Variants in ZYG11A observed in about 807,000 individuals in gnomAD.
ZYG11A encodes protein zyg-11 homolog A.
In ZYG11A, 62 loss-of-function variants were observed where a neutral mutation model predicts 77.2. The observed-to-expected ratio is 0.80, with a 90% CI of 0.65 to 0.99. The LOEUF is 0.99. Ranked by LOEUF, ZYG11A falls within the 50% of genes least tolerant of loss-of-function variation. The probability of loss-of-function intolerance (pLI) is 0.00; values close to 1 mark genes in which losing one functional copy is unlikely to be tolerated. For synonymous variants in ZYG11A, 315 were observed against 324.6 expected (o/e 0.97, Z 0.32); for missense variants, 828 against 896.8 (o/e 0.92, Z 0.98).
chr1:52,867,969 T>C (rs1238781665), intron 8 of ZYG11A, among the ~76,000 whole-genome samples, 192 bp downstream of exon 8: 3 of 139,164 alleles, frequency 2.2e-5, no homozygotes, highest in Non-Finnish European at 3.1e-5. Flanking sequence ...TTTTTTTTTT[T>C]TTTTTTTTTT....
chr1:52,854,029 G>A (rs1328320750), intron 1 of ZYG11A, among the ~76,000 whole-genome samples: 3 of 152,184 alleles, frequency 2.0e-5, no homozygotes, highest in Admixed American at 1.3e-4. Flanking sequence ...ACCTGCATCT[G>A]TATTGAACAT....
chr1:52,875,501 A>C (rs1483638630), intron 8 of ZYG11A, among the ~76,000 whole-genome samples: 1 of 152,250 alleles, frequency 6.6e-6, no homozygotes, highest in Non-Finnish European at 1.5e-5. Flanking sequence ...GCAGAAATTG[A>C]GTTTAGAGTA....
intron 13 of ZYG11A, among the ~76,000 whole-genome samples, 180 bp downstream of exon 13, chr1:52,887,233 T>G (rs975546578): frequency 7.9e-5 from 12 of 152,194 alleles, no homozygotes; most frequent in African/African-American, 2.7e-4. Context: ...ATTAGTAATC[T>G]ATTTGGGGGT....
chr1:52,855,612 C>A (rs1478243408), intron 2 of ZYG11A, among the ~76,000 whole-genome samples: 1 of 152,240 alleles, frequency 6.6e-6, no homozygotes, highest in Non-Finnish European at 1.5e-5. Context: ...TACTTTCCAT[C>A]TCTATGTATG....
intron 1 of ZYG11A, among the ~76,000 whole-genome samples, chr1:52,846,635 G>A (rs376596632): frequency 9.9e-5 from 15 of 151,676 alleles, no homozygotes; most frequent in East Asian, 7.8e-4. Context: ...CATCGCGCCC[G>A]GCCAATTATG....
chr1:52,864,811 ATT>A (rs555254016), intron 5 of ZYG11A, among the ~76,000 whole-genome samples: 4 of 137,938 alleles, frequency 2.9e-5, no homozygotes, highest in East Asian at 2.1e-4. Context: ...TGCCTGGCTA[ATT>A]TTTTTTTTTT....
At chr1:52,883,941 A>G (rs928078657) in intron 11 of ZYG11A, among the ~76,000 whole-genome samples, 4 of 145,000 alleles carry the variant, frequency 2.8e-5, no homozygotes, top group African/African-American at 1.1e-4. Flanking sequence ...GTGCAATGGC[A>G]TGATCATAGC....
chr1:52,867,835 A>AG (rs1646055120), intron 8 of ZYG11A, 58 bp downstream of exon 8: 40 of 1,393,798 alleles, frequency 2.9e-5, no homozygotes, highest in Non-Finnish European at 3.8e-5. Context: ...TTATGATTAT[A>AG]GCTTAAAAAA....
intron 3 of ZYG11A, among the ~76,000 whole-genome samples, chr1:52,859,770 C>A (rs1024351697): frequency 1.4e-5 from 2 of 145,690 alleles, no homozygotes; most frequent in Non-Finnish European, 3.0e-5. Context: ...CTCTGCCTCC[C>A]GGGTTCAAGT....
chr1:52,855,063 C>G (rs475832), intron 2 of ZYG11A, among the ~76,000 whole-genome samples: 73,731 of 151,554 alleles, frequency 0.49, 19,156 homozygotes, highest in Non-Finnish European at 0.59. Context: ...GGTTTCACCA[C>G]TTTGGTCAGG....
chr1:52,855,469 C>T (rs1473706869), intron 2 of ZYG11A, among the ~76,000 whole-genome samples: 1 of 151,932 alleles, frequency 6.6e-6, no homozygotes, highest in Admixed American at 6.6e-5. Context: ...GGATTACAGG[C>T]GTGAGGCACC....
At chr1:52,883,502 A>G (rs1333825714) in intron 11 of ZYG11A, among the ~76,000 whole-genome samples, 1 of 151,032 alleles carries the variant, frequency 6.6e-6, no homozygotes, top group Non-Finnish European at 1.5e-5. Flanking sequence ...ATCTCAGCTC[A>G]TTGCATCCTC....
chr1:52,894,693 C>T lies in ZYG11A; in HGVS notation c.*1736C>T, dbSNP rs558358399. Reference sequence around the variant, plus strand: ...TCATTCTCTTACTCTAAACCATGTTCCAAACTATTACCAGAGTCCAACCAG... The same window carrying T: ...TCATTCTCTTACTCTAAACCATGTTTCAAACTATTACCAGAGTCCAACCAG... On this transcript the variant is annotated 3_prime_UTR_variant, in exon 14 of 14. Transcript: ENST00000371528. 3.3e-5 allele frequency: 5 copies of T among 152,334 alleles called. No individual in the cohort carries two copies. In the East Asian group the frequency reaches 9.6e-4, roughly 29 times the overall value. 9.4% of individuals were successfully genotyped at this position (152,334 alleles called of 1,614,324 possible).
chr1:52,877,765 T>C lies in ZYG11A; in HGVS notation c.1626T>C (p.Asn542=). ...TGTTTACTTTGAAAGCACTTTGGAA[T>C]CTTACAGATGGGTCTCCAGCTGCCT... The part of the protein sequence containing the change: ...TFLFTLKALW[N]LTDGSPAACK... The change falls in exon 9 of 14, where the codon AAT becomes AAC. Residue 542 remains asparagine (N), a synonymous_variant. Coordinates refer to ENST00000371528, the MANE Select transcript of ZYG11A (RefSeq NM_001004339.3). 1 of 1,552,044 alleles carries C rather than the reference T, an allele frequency of 6.4e-7. No individual in the cohort carries two copies. The highest frequency in any genetic ancestry group is 8.7e-7 in the Non-Finnish European group (1 of 1,147,060).
At position 52,885,710 on chromosome 1, in the gene ZYG11A, G is replaced by A. The variant is rs538630408; in HGVS notation, c.1945-123G>A. Reference sequence around the variant, plus strand: ...GATATTGTGTGTATATAATCGTTATGTGATTGATATTTTGCCAAGTAGATG... The same window carrying A: ...GATATTGTGTGTATATAATCGTTATATGATTGATATTTTGCCAAGTAGATG... On this transcript the variant is annotated intron_variant, in intron 11 of 13. Coordinates refer to ENST00000371528, the MANE Select transcript of ZYG11A (RefSeq NM_001004339.3). The A allele has an allele frequency of 2.7e-5, 18 of 667,356 alleles. No homozygotes were observed. The East Asian group carries it at 5.0e-4, about 18-fold the overall frequency. 41.3% of individuals were successfully genotyped at this position (667,356 alleles called of 1,614,324 possible).
chr1:52,890,055 T>TG (rs1646516167), intron 13 of ZYG11A, among the ~76,000 whole-genome samples: 1 of 138,612 alleles, frequency 7.2e-6, no homozygotes, highest in African/African-American at 2.7e-5. Context: ...CACTGCTTGT[T>TG]TTTTTTTTTT....
intron 13 of ZYG11A, among the ~76,000 whole-genome samples, chr1:52,890,064 T>TC (rs1453638281): frequency 2.0e-5 from 3 of 148,604 alleles, no homozygotes; most frequent in Non-Finnish European, 4.5e-5. Flanking sequence ...TTTTTTTTTT[T>TC]TTTTTTCTTT....
At chr1:52,859,866 T>TGA (rs1645894109) in intron 3 of ZYG11A, among the ~76,000 whole-genome samples, 1 of 151,750 alleles carries the variant, frequency 6.6e-6, no homozygotes, top group Non-Finnish European at 1.5e-5. Flanking sequence ...TTAGTAGAGA[T>TGA]GAGGATTTAC....
At chr1:52,862,157 C>G (rs999581181) in intron 4 of ZYG11A, among the ~76,000 whole-genome samples, 1 of 151,128 alleles carries the variant, frequency 6.6e-6, no homozygotes, top group African/African-American at 2.4e-5. Context: ...TGCAGTGAGC[C>G]GAGATGATAC....
Sources: gnomAD v4.1 joint callset for allele counts (sites outside exome capture counted in the v4.1 genomes callset) on GRCh38, gnomAD v4.1.1 for gene constraint, MANE v1.5 for transcripts, NCBI Gene and HGNC (gene_info 2026-07-23, HGNC 2026-07-21) for gene names.